FIG4: variants seen among roughly 807,000 people sequenced by gnomAD.
FIG4 encodes the protein polyphosphoinositide phosphatase.
In FIG4, 112 loss-of-function variants were observed where a neutral mutation model predicts 118.6. The observed-to-expected ratio is 0.94, with a 90% confidence interval of 0.81 to 1.11. The LOEUF is 1.11. FIG4 is among the 50% of genes least tolerant of loss of function. The pLI is 0.00. For synonymous variants in FIG4, 369 were observed against 381.2 expected (o/e 0.97, Z 0.37); for missense variants, 969 against 1,111.7 (o/e 0.87, Z 1.83).
At chr6:109,743,946 G>C (rs1171754390) in intron 10 of FIG4, among the ~76,000 whole-genome samples, 174 bp downstream of exon 10, 1 of 152,058 alleles carries the variant, frequency 6.6e-6, no homozygotes, top group Non-Finnish European at 1.5e-5. Flanking sequence ...TTTGGCCTCA[G>C]ATTCCATGTG....
At chr6:109,707,952 A>G (rs1268734825) in intron 1 of FIG4, among the ~76,000 whole-genome samples, 1 of 146,490 alleles carries the variant, frequency 6.8e-6, no homozygotes, top group East Asian at 2.0e-4. Context: ...ATTTAAATAT[A>G]TTTTTCTACA....
intron 1 of FIG4, among the ~76,000 whole-genome samples, chr6:109,707,627 A>C (rs1775128590): frequency 6.6e-6 from 1 of 151,832 alleles, no homozygotes; most frequent in Non-Finnish European, 1.5e-5. Context: ...CATTTTTCTC[A>C]TCTATAGTAA....
At chr6:109,778,568 G>C (rs953583157) in intron 16 of FIG4, among the ~76,000 whole-genome samples, 8 of 151,850 alleles carry the variant, frequency 5.3e-5, no homozygotes, top group African/African-American at 1.9e-4. Context: ...AGAGTTGCAA[G>C]TACAGCTCTT....
chr6:109,721,043 C>T (rs1775591713), intron 3 of FIG4, among the ~76,000 whole-genome samples: 1 of 152,092 alleles, frequency 6.6e-6, no homozygotes. Context: ...AGGTACGTGT[C>T]CTTTTTCTGC....
intron 22 of FIG4, among the ~76,000 whole-genome samples, chr6:109,800,552 A>T (rs74513114): frequency 6.6e-6 from 1 of 152,172 alleles, no homozygotes; most frequent in Admixed American, 6.5e-5. Context: ...TTACAAGGTT[A>T]TACATTTTTA....
At chr6:109,777,215 A>T (rs1178290995) in intron 16 of FIG4, among the ~76,000 whole-genome samples, 155 bp downstream of exon 16, 1 of 152,030 alleles carries the variant, frequency 6.6e-6, no homozygotes, top group South Asian at 2.1e-4. Context: ...GTAGGTGTAT[A>T]TTTTTATGGG....
intron 1 of FIG4, among the ~76,000 whole-genome samples, chr6:109,707,330 G>A (rs1035979750): frequency 3.1e-5 from 4 of 130,928 alleles, no homozygotes; most frequent in Non-Finnish European, 6.3e-5. Context: ...TATATGTATA[G>A]GTATATATAT....
chr6:109,768,791 C>G (rs1001745710), intron 15 of FIG4, among the ~76,000 whole-genome samples: 3 of 152,160 alleles, frequency 2.0e-5, no homozygotes, highest in Admixed American at 6.5e-5. Context: ...TGCCCACAAA[C>G]ACGGGGGAAA....
intron 6 of FIG4, 114 bp downstream of exon 6, chr6:109,735,412 T>G: frequency 1.0e-6 from 1 of 978,382 alleles, no homozygotes; most frequent in South Asian, 1.3e-5. Context: ...CTGTTTGTCC[T>G]TACGTGGGGT....
intron 4 of FIG4, 22 bp downstream of exon 4, chr6:109,727,287 T>TC: frequency 3.5e-6 from 4 of 1,129,062 alleles, no homozygotes; most frequent in Non-Finnish European, 4.7e-6. Flanking sequence ...GGTAACTACC[T>TC]TTTTTTTTTT....
intron 22 of FIG4, among the ~76,000 whole-genome samples, chr6:109,797,429 C>T (rs1232239013): frequency 6.6e-6 from 1 of 152,178 alleles, no homozygotes; most frequent in African/African-American, 2.4e-5. Flanking sequence ...AAATAATGTA[C>T]ACAAAGTGCT....
At chr6:109,699,630 G>GT (rs888601749) in intron 1 of FIG4, among the ~76,000 whole-genome samples, 2 of 151,562 alleles carry the variant, frequency 1.3e-5, no homozygotes, top group African/African-American at 4.8e-5. Context: ...AGCCTCCCAA[G>GT]TAACTGGGAC....
chr6:109,785,098 C>A, intron 17 of FIG4, 70 bp downstream of exon 17: 1 of 864,764 alleles, frequency 1.2e-6, no homozygotes, highest in Non-Finnish European at 2.0e-6. Flanking sequence ...GAACTTGAAG[C>A]ATTAAATCCT....
intron 14 of FIG4, among the ~76,000 whole-genome samples, chr6:109,766,265 C>G (rs926760241): frequency 6.6e-6 from 1 of 152,148 alleles, no homozygotes; most frequent in Non-Finnish European, 1.5e-5. Flanking sequence ...CTTGTACTTC[C>G]CAGCCTCCAG....
chr6:109,778,400 G>A (rs1328876486), intron 16 of FIG4, among the ~76,000 whole-genome samples: 2 of 151,270 alleles, frequency 1.3e-5, no homozygotes, highest in Non-Finnish European at 2.9e-5. Context: ...AGCCCAGGAG[G>A]CAGAGGTTGT....
chr6:109,783,003 T>G (rs754593906), intron 16 of FIG4, among the ~76,000 whole-genome samples: 6 of 152,356 alleles, frequency 3.9e-5, no homozygotes, highest in South Asian at 2.1e-4. Flanking sequence ...CTCAGCAAAC[T>G]AATGCAGGAA....
intron 22 of FIG4, among the ~76,000 whole-genome samples, chr6:109,797,424 A>G (rs1778318074): frequency 6.6e-6 from 1 of 152,224 alleles, no homozygotes; most frequent in South Asian, 2.1e-4. Flanking sequence ...AAATGAAATA[A>G]TGTACACAAA....
At chr6:109,785,083 T>A (rs960438795) in intron 17 of FIG4, 55 bp downstream of exon 17, 2 of 960,404 alleles carry the variant, frequency 2.1e-6, no homozygotes, top group Non-Finnish European at 1.7e-6. Context: ...GCATTATACC[T>A]TAATGAACTT....
intron 15 of FIG4, among the ~76,000 whole-genome samples, chr6:109,769,021 A>G (rs879494463): frequency 1.2e-4 from 18 of 152,142 alleles, no homozygotes; most frequent in Non-Finnish European, 2.2e-4. Context: ...TCACCATGAA[A>G]AAGGGCATCT....
Sources: allele counts gnomAD v4.1 joint callset (sites outside exome capture counted in the v4.1 genomes callset), GRCh38; gene constraint gnomAD v4.1.1; transcripts MANE v1.5; gene names NCBI Gene and HGNC (gene_info 2026-07-23, HGNC 2026-07-21).